Variants in TANC2 observed in about 807,000 individuals in gnomAD.
TANC2 encodes tetratricopeptide repeat, ankyrin repeat and coiled-coil containing 2, also known as protein TANC2.
Under a neutral mutation model 210.5 loss-of-function variants are expected in TANC2, and 26 were observed. The ratio of observed to expected loss-of-function variants is 0.12; its 90% CI spans 0.09 to 0.17. The LOEUF is 0.17. TANC2 is among the 10% of genes least tolerant of loss of function. TANC2 has a pLI of 1.00. For missense variants in TANC2, 2,129 were observed against 2,608.9 expected (o/e 0.82, Z 4.01); for synonymous variants, 931 against 967.1 (o/e 0.96, Z 0.69).
chr17:63,081,683 G>T (rs1181987198), intron 3 of TANC2, among the ~76,000 whole-genome samples: 1 of 151,980 alleles, frequency 6.6e-6, no homozygotes, highest in Non-Finnish European at 1.5e-5. Flanking sequence ...TTTGCAAAGT[G>T]ATTATGATAA....
intron 4 of TANC2, among the ~76,000 whole-genome samples, chr17:63,123,508 G>A (rs2145154092): frequency 6.6e-6 from 1 of 150,466 alleles, no homozygotes; most frequent in South Asian, 2.1e-4. Flanking sequence ...GCAGTGAGCC[G>A]AGATTGCGCC....
intron 11 of TANC2, chr17:63,332,487 CT>C: frequency 2.4e-6 from 1 of 410,612 alleles, no homozygotes; most frequent in Non-Finnish European, 4.8e-6. Context: ...GGCACTGTTC[CT>C]TGGGCCTCCT....
intron 4 of TANC2, among the ~76,000 whole-genome samples, chr17:63,142,014 T>C (rs879435875): frequency 1.1e-4 from 17 of 152,226 alleles, no homozygotes; most frequent in Non-Finnish European, 2.2e-4. Flanking sequence ...TGAACTAAGT[T>C]AGAACAAACT....
chr17:63,171,994 G>A (rs2040419930), intron 5 of TANC2, among the ~76,000 whole-genome samples: 1 of 152,112 alleles, frequency 6.6e-6, no homozygotes, highest in Non-Finnish European at 1.5e-5. Flanking sequence ...TTCCTTACCA[G>A]AGCAATGATA....
At chr17:63,142,997 A>C (rs2039340709) in intron 4 of TANC2, among the ~76,000 whole-genome samples, 1 of 152,060 alleles carries the variant, frequency 6.6e-6, no homozygotes, top group African/African-American at 2.4e-5. Flanking sequence ...AAGTTCCTTT[A>C]GGCTGGACAC....
exon 18 of TANC2, chr17:63,395,841 G>A (rs1299146457): frequency 3.7e-6 from 6 of 1,612,398 alleles, no homozygotes; most frequent in Admixed American, 1.7e-5. Context: ...GTGACTGGAC[G>A]ATGGCCGGCC....
chr17:63,071,464 T>G (rs148106346), intron 2 of TANC2, among the ~76,000 whole-genome samples: 2 of 152,134 alleles, frequency 1.3e-5, no homozygotes, highest in East Asian at 3.9e-4. Flanking sequence ...GCCCTAGAAT[T>G]TCTTAAATAG....
chr17:63,099,247 G>A (rs1244092388), exon 4 of TANC2: 2 of 1,609,444 alleles, frequency 1.2e-6, no homozygotes, highest in African/African-American at 1.3e-5. Flanking sequence ...GTGAGTGAAG[G>A]TATGCAGCAC....
At chr17:63,344,434 C>G (rs2046335746) in intron 12 of TANC2, among the ~76,000 whole-genome samples, 1 of 152,158 alleles carries the variant, frequency 6.6e-6, no homozygotes, top group African/African-American at 2.4e-5. Context: ...AAGAGCAAGA[C>G]AAGAGTGTTC....
chr17:63,418,358 A>G lies in TANC2; in HGVS notation c.4219A>G (p.Lys1407Glu). The G allele has an allele frequency of 6.2e-7, 1 of 1,613,412 alleles. No homozygotes were observed. Among genetic ancestry groups the G allele is most frequent in the Non-Finnish European group, 8.5e-7 (1 of 1,179,724 alleles). The change falls in exon 27 of 28, where the codon AAA (lysine) becomes GAA (glutamate). Residue 1407 changes from lysine to glutamate, a missense_variant. Lys to Glu is a moderately conservative substitution (Grantham distance 56). Coordinates refer to ENST00000689528, the Ensembl canonical transcript of TANC2. The surrounding 1 kb of genome is among the most constrained non-coding windows in gnomAD (Gnocchi z 4.6). ...TACTAAGGCCCTGGAGCTGAAACCGAAATCTTATGAAGCTTACTATGCGAG... is the reference window on the plus strand; with the variant it reads ...TACTAAGGCCCTGGAGCTGAAACCGGAATCTTATGAAGCTTACTATGCGAG...
rs1185524120 is a variant in TANC2, at chr17:62,966,255, G to C, written c.-518G>C. On this transcript the variant is annotated 5_prime_UTR_variant, in exon 1 of 28. Coordinates refer to ENST00000689528, the Ensembl canonical transcript of TANC2. The surrounding 1 kb of genome is among the most constrained non-coding windows in gnomAD (Gnocchi z 5.1). ...GCGGCGGCGGCGCTAGCGAGCGGCC[G>C]GCGGGGCGCGGGTTGCTGGGCGCGC... Among the ~76,000 whole-genome samples, 1 of 146,110 alleles carries C rather than the reference G, an allele frequency of 6.8e-6. No homozygotes were observed. The highest frequency in any genetic ancestry group is 1.5e-5 in the Non-Finnish European group (1 of 65,782).
intron 5 of TANC2, among the ~76,000 whole-genome samples, chr17:63,180,163 C>T (rs545025602): frequency 2.0e-5 from 3 of 152,106 alleles, no homozygotes; most frequent in African/African-American, 7.2e-5. Context: ...ATAATGGCTT[C>T]CCTCTAGCCT....
chr17:63,411,906 T>C, intron 22 of TANC2, 92 bp from the exon 23 acceptor site: 2 of 1,552,754 alleles, frequency 1.3e-6, no homozygotes, highest in Non-Finnish European at 1.7e-6. Context: ...AGGCCAGCAG[T>C]TGAAAAAGGG....
At chr17:63,000,100 G>T (rs948856726) in intron 1 of TANC2, among the ~76,000 whole-genome samples, 3 of 152,174 alleles carry the variant, frequency 2.0e-5, no homozygotes, top group African/African-American at 7.2e-5. Context: ...GGTGTGGAAG[G>T]TGAGGATCAA....
chr17:63,325,392 A>G (rs972321814), intron 11 of TANC2, among the ~76,000 whole-genome samples: 11 of 152,234 alleles, frequency 7.2e-5, no homozygotes, highest in African/African-American at 2.6e-4. Context: ...GAAAACTACC[A>G]CACCTTGGTT....
chr17:63,061,661 G>GT (rs930918475), intron 2 of TANC2, among the ~76,000 whole-genome samples: 21 of 150,420 alleles, frequency 1.4e-4, no homozygotes, highest in East Asian at 5.8e-4. Flanking sequence ...TACATGCAGG[G>GT]TTTTTTTTTC....
rs116217270 is a variant in TANC2 at position 63,189,224 on chromosome 17, G to T, written c.434-4767G>T. ...ATTTTTGACTGTTATGAATAACACT[G>T]CTATGACCATTCATGTACAAGTTGA... is the stretch of plus-strand genomic sequence containing the variant. On this transcript the variant is annotated intron_variant, in intron 5 of 27. Coordinates refer to ENST00000689528, the Ensembl canonical transcript of TANC2. Among the ~76,000 whole-genome samples, 631 of 152,134 alleles carry T rather than the reference G, an allele frequency of 4.1e-3. 5 individuals carry two copies. The highest frequency in any genetic ancestry group is 0.013 in the African/African-American group (550 of 41,514).
At position 63,238,811 on chromosome 17, in the gene TANC2, C is replaced by G. The variant is rs1344792220; in HGVS notation, c.1033+734C>G. On this transcript the variant is annotated intron_variant, in intron 8 of 27. Transcript: ENST00000689528. ...ATCATGGCAGAAGGCAAAGGAGGAA[C>G]AAGTACCTGCTTCACAAGGCAGCAG... 2.0e-5 allele frequency among the ~76,000 whole-genome samples: 3 copies of G among 152,128 alleles called. No individual in the cohort carries two copies. The East Asian group carries it at 5.8e-4, about 29-fold the overall frequency.
At chr17:63,063,801 G>A (rs990744847) in intron 2 of TANC2, among the ~76,000 whole-genome samples, 4 of 151,898 alleles carry the variant, frequency 2.6e-5, no homozygotes, top group Admixed American at 6.6e-5. Context: ...TGATACTTAC[G>A]TTGGAATTTT....
Sources: allele counts gnomAD v4.1 joint callset (sites outside exome capture counted in the v4.1 genomes callset), GRCh38; gene constraint gnomAD v4.1.1; non-coding constraint Gnocchi (gnomAD v3.1); transcripts MANE v1.5; gene names NCBI Gene and HGNC (gene_info 2026-07-23, HGNC 2026-07-21).